The following RABGAP1L variants were observed in gnomAD, a reference collection of about 807,000 sequenced individuals.
RABGAP1L encodes the protein rab GTPase-activating protein 1-like.
A neutral mutation model predicts 137.7 loss-of-function variants in RABGAP1L; 63 were observed. That is an observed-to-expected ratio of 0.46 (90% CI 0.37 to 0.56). The LOEUF (loss-of-function observed/expected upper bound fraction) is 0.56. Among genes scored for constraint, RABGAP1L ranks in the 20% least tolerant of loss-of-function variants. The pLI is 0.00. For missense variants in RABGAP1L, 1,095 were observed against 1,244.0 expected (o/e 0.88, Z 1.80); for synonymous variants, 431 against 433.7 (o/e 0.99, Z 0.08).
At chr1:174,274,957 C>CT (rs1674858259) in intron 8 of RABGAP1L, 2 of 152,142 alleles carry the variant, frequency 1.3e-5, no homozygotes, top group Non-Finnish European at 2.9e-5. Context: ...GCTACAAAAA[C>CT]TGAAATATTG....
At chr1:174,222,548 C>T (rs1669838078) in intron 3 of RABGAP1L, among the ~76,000 whole-genome samples, 1 of 152,148 alleles carries the variant, frequency 6.6e-6, no homozygotes, top group Admixed American at 6.5e-5. Flanking sequence ...TAAAATTTTA[C>T]ATGTATATGC....
At chr1:174,437,517 G>C (rs1653541130) in intron 13 of RABGAP1L, among the ~76,000 whole-genome samples, 1 of 152,084 alleles carries the variant, frequency 6.6e-6, no homozygotes, top group African/African-American at 2.4e-5. Flanking sequence ...GAAGTTTAGA[G>C]AAAAAAGAAT....
rs370825388 is a variant in RABGAP1L at position 174,505,571 on chromosome 1, A to G, written c.1710+111426A>G. ...TACTAAAAAATGCTGAACATCACTA[A>G]TCATCAGGAAAATGCAAATCAAAAC... On this transcript the variant is annotated intron_variant, in intron 13 of 25. Transcript: ENST00000681986. Among the ~76,000 whole-genome samples, 4 of 152,224 alleles carry G rather than the reference A, an allele frequency of 2.6e-5. 1 individual carries two copies.
chr1:174,493,118 G>T (rs1203504034), intron 13 of RABGAP1L, among the ~76,000 whole-genome samples: 1 of 149,464 alleles, frequency 6.7e-6, no homozygotes, highest in South Asian at 2.2e-4. Flanking sequence ...CTCGCACTTT[G>T]GAGGCTGAGG....
intron 13 of RABGAP1L, among the ~76,000 whole-genome samples, chr1:174,414,051 A>G (rs555648762): frequency 2.6e-5 from 4 of 152,302 alleles, no homozygotes; most frequent in Admixed American, 6.5e-5. Flanking sequence ...GTGTTTGTAT[A>G]TGTAAGTTTT....
chr1:174,534,448 G>A (rs972400922), intron 13 of RABGAP1L, among the ~76,000 whole-genome samples: 3 of 151,684 alleles, frequency 2.0e-5, no homozygotes, highest in Non-Finnish European at 2.9e-5. Flanking sequence ...ATGTTTGCAC[G>A]GGAGATTAAA....
intron 19 of RABGAP1L, among the ~76,000 whole-genome samples, chr1:174,826,410 T>C (rs1194939292): frequency 6.6e-6 from 1 of 152,086 alleles, no homozygotes; most frequent in African/African-American, 2.4e-5. Context: ...TTAGTAGAGA[T>C]GGGGTTTCAC....
At chr1:174,785,733 A>G (rs1003435942) in intron 18 of RABGAP1L, among the ~76,000 whole-genome samples, 2 of 152,152 alleles carry the variant, frequency 1.3e-5, no homozygotes, top group Non-Finnish European at 2.9e-5. Context: ...CATGTCTATA[A>G]CCCACGCTGC....
chr1:174,532,146 G>T (rs1191846503), intron 13 of RABGAP1L, among the ~76,000 whole-genome samples: 1 of 151,980 alleles, frequency 6.6e-6, no homozygotes, highest in African/African-American at 2.4e-5. Flanking sequence ...TGATTAGAGG[G>T]CCTATTGAGA....
chr1:174,913,606 C>A (rs1357576225), intron 19 of RABGAP1L, among the ~76,000 whole-genome samples: 1 of 152,160 alleles, frequency 6.6e-6, no homozygotes. Context: ...TGCTTTCAAA[C>A]TTTTAGCTCT....
chr1:174,784,222 T>C (rs1341749128), intron 18 of RABGAP1L, among the ~76,000 whole-genome samples: 1 of 151,958 alleles, frequency 6.6e-6, no homozygotes, highest in Non-Finnish European at 1.5e-5. Flanking sequence ...AGTTTCACCG[T>C]GTTAGCCAGG....
At chr1:174,246,643 G>C (rs1387320137) in intron 5 of RABGAP1L, among the ~76,000 whole-genome samples, 1 of 152,078 alleles carries the variant, frequency 6.6e-6, no homozygotes, top group Non-Finnish European at 1.5e-5. Context: ...AAGTAATTTA[G>C]AGATTAAAGT....
At chr1:174,571,132 C>CT (rs1667950530) in intron 13 of RABGAP1L, among the ~76,000 whole-genome samples, 1 of 152,122 alleles carries the variant, frequency 6.6e-6, no homozygotes, top group Non-Finnish European at 1.5e-5. Context: ...ATAGATGGAA[C>CT]TGGAGATCAT....
chr1:174,953,704 G>A (rs1286772099), intron 19 of RABGAP1L, among the ~76,000 whole-genome samples: 1 of 152,230 alleles, frequency 6.6e-6, no homozygotes. Flanking sequence ...TAGAGGGTCT[G>A]TGAAATCACT....
At chr1:174,440,203 T>C (rs1653960375) in intron 13 of RABGAP1L, among the ~76,000 whole-genome samples, 1 of 152,162 alleles carries the variant, frequency 6.6e-6, no homozygotes, top group South Asian at 2.1e-4. Context: ...TGAGACTGGA[T>C]GGATGCATAG....
intron 21 of RABGAP1L, among the ~76,000 whole-genome samples, chr1:174,973,969 A>ATT (rs1670394058): frequency 8.4e-6 from 1 of 118,884 alleles, no homozygotes; most frequent in African/African-American, 3.9e-5. Context: ...GAGCAGTACA[A>ATT]TTGTTTTTTG....
intron 13 of RABGAP1L, among the ~76,000 whole-genome samples, chr1:174,487,851 T>C (rs1020638849): frequency 6.6e-5 from 10 of 152,288 alleles, no homozygotes; most frequent in Middle Eastern, 3.4e-3. Flanking sequence ...CCCATTATTT[T>C]AAGCTATAAC....
intron 19 of RABGAP1L, among the ~76,000 whole-genome samples, chr1:174,813,398 T>C (rs1193070895): frequency 6.6e-6 from 1 of 152,198 alleles, no homozygotes; most frequent in Non-Finnish European, 1.5e-5. Flanking sequence ...AACTAGGAGA[T>C]AAGAGTCACC....
At chr1:174,324,293 G>C (rs562514183) in intron 11 of RABGAP1L, among the ~76,000 whole-genome samples, 1 of 152,194 alleles carries the variant, frequency 6.6e-6, no homozygotes, top group South Asian at 2.1e-4. Flanking sequence ...AAATTAGTGA[G>C]GCTTATAAAT....
Sources: allele counts gnomAD v4.1 joint callset (sites outside exome capture counted in the v4.1 genomes callset), GRCh38; gene constraint gnomAD v4.1.1; transcripts MANE v1.5; gene names NCBI Gene and HGNC (gene_info 2026-07-23, HGNC 2026-07-21).